The following ACTR3C variants were observed in gnomAD, a reference collection of about 807,000 sequenced individuals.
ACTR3C encodes actin related protein 3C.
In ACTR3C, 18 loss-of-function variants were observed where a neutral mutation model predicts 26.3. The observed-to-expected ratio is 0.68, with a 90% CI of 0.47 to 1.01. ACTR3C has a LOEUF of 1.01. Ranked by LOEUF, ACTR3C falls within the 50% of genes least tolerant of loss-of-function variation. The pLI is 0.00. For missense variants in ACTR3C, 184 were observed against 250.7 expected, an observed-to-expected ratio of 0.73 and a Z score of 1.80; for synonymous variants, 55 against 94.5, an observed-to-expected ratio of 0.58 and a Z score of 2.42.
At chr7:149,932,387 T>A in the ACTR3C span, among the ~76,000 whole-genome samples, 1 of 152,126 alleles carries the variant, frequency 6.6e-6, no homozygotes. Context: ...ATGAAAATAT[T>A]CTAAAATTAG....
chr7:149,896,977 C>T, the ACTR3C span, among the ~76,000 whole-genome samples: 1 of 149,360 alleles, frequency 6.7e-6, no homozygotes, highest in Non-Finnish European at 1.5e-5. Context: ...AGGAGAATCA[C>T]TTGAACTTGG....
chr7:150,286,795 A>AT (rs1228881915), intron 4 of ACTR3C, among the ~76,000 whole-genome samples: 2 of 151,268 alleles, frequency 1.3e-5, no homozygotes, highest in Non-Finnish European at 2.9e-5. Flanking sequence ...GGTCTATCCA[A>AT]TTCTATCGCT....
chr7:150,033,453 C>A, the ACTR3C span, among the ~76,000 whole-genome samples: 1 of 152,230 alleles, frequency 6.6e-6, no homozygotes, highest in Non-Finnish European at 1.5e-5. Context: ...CTCTCATGCA[C>A]CTGCCGTCGG....
At chr7:149,894,547 AC>A in the ACTR3C span, among the ~76,000 whole-genome samples, 2 of 152,194 alleles carry the variant, frequency 1.3e-5, no homozygotes, top group East Asian at 1.9e-4. Flanking sequence ...AATAAAAAAA[AC>A]AAATAACCCA....
intron 6 of ACTR3C, among the ~76,000 whole-genome samples, chr7:150,269,151 C>G (rs576280969): frequency 1.7e-5 from 1 of 58,854 alleles, no homozygotes; most frequent in South Asian, 7.9e-4. Flanking sequence ...GGGGGACCTG[C>G]CAGAGCGAGA....
At chr7:150,228,556 C>A in the ACTR3C span, among the ~76,000 whole-genome samples, 1 of 152,074 alleles carries the variant, frequency 6.6e-6, no homozygotes, top group Non-Finnish European at 1.5e-5. Flanking sequence ...ATCAGAGCTG[C>A]CAATGTCATA....
At chr7:150,159,866 G>A in the ACTR3C span, among the ~76,000 whole-genome samples, 1 of 151,966 alleles carries the variant, frequency 6.6e-6, no homozygotes, top group Admixed American at 6.6e-5. Flanking sequence ...CGGCTGTGGC[G>A]CGATCTCGGC....
At chr7:150,104,346 G>T in the ACTR3C span, among the ~76,000 whole-genome samples, 2 of 151,890 alleles carry the variant, frequency 1.3e-5, no homozygotes, top group Admixed American at 6.6e-5. Flanking sequence ...GGAACTGGTT[G>T]CCTAATAAAA....
the ACTR3C span, among the ~76,000 whole-genome samples, chr7:150,128,123 T>C: frequency 4.8e-5 from 7 of 144,764 alleles, no homozygotes; most frequent in African/African-American, 1.9e-4. Context: ...TTCCCAGTAT[T>C]AGTGCCTGGA....
At chr7:150,287,220 C>T (rs1268293498) in intron 4 of ACTR3C, among the ~76,000 whole-genome samples, 1 of 151,642 alleles carries the variant, frequency 6.6e-6, no homozygotes, top group Non-Finnish European at 1.5e-5. Flanking sequence ...CACACAGATC[C>T]CTGCCAAGAT....
the ACTR3C span, among the ~76,000 whole-genome samples, chr7:150,173,867 A>T: frequency 2.7e-5 from 4 of 148,388 alleles, no homozygotes; most frequent in East Asian, 5.8e-4. Context: ...AAATGCCACC[A>T]GTCTCTTTGC....
At chr7:150,142,607 C>T in the ACTR3C span, among the ~76,000 whole-genome samples, 5 of 152,136 alleles carry the variant, frequency 3.3e-5, no homozygotes, top group Non-Finnish European at 7.3e-5. Context: ...CAGCTCACTG[C>T]AACCTCCGCC....
chr7:150,307,521 A>C (rs1190251969), intron 1 of ACTR3C, among the ~76,000 whole-genome samples: 1 of 152,204 alleles, frequency 6.6e-6, no homozygotes, highest in East Asian at 1.9e-4. Context: ...TCCTCTGCTA[A>C]CAATAAATAA....
chr7:149,943,420 A>C, the ACTR3C span, among the ~76,000 whole-genome samples: 34,214 of 149,980 alleles, frequency 0.23, 6,135 homozygotes, highest in African/African-American at 0.51. Flanking sequence ...TGATTTAACA[A>C]GTGCCTTTTA....
chr7:150,182,189 A>G, the ACTR3C span, among the ~76,000 whole-genome samples: 4 of 150,522 alleles, frequency 2.7e-5, 1 homozygote, highest in African/African-American at 1.0e-4. Flanking sequence ...GAAAAACAGT[A>G]ACAACAGGGA....
chr7:149,944,872 G>A, the ACTR3C span, among the ~76,000 whole-genome samples: 1 of 151,590 alleles, frequency 6.6e-6, no homozygotes, highest in Non-Finnish European at 1.5e-5. Flanking sequence ...GAGAACCCCA[G>A]GCTAAGGTCA....
At chr7:150,116,416 T>C in the ACTR3C span, among the ~76,000 whole-genome samples, 1 of 152,210 alleles carries the variant, frequency 6.6e-6, no homozygotes, top group Non-Finnish European at 1.5e-5. Context: ...CTTTTGGGGG[T>C]TGATTTCTGG....
At chr7:150,121,392 C>T in the ACTR3C span, among the ~76,000 whole-genome samples, 2 of 151,688 alleles carry the variant, frequency 1.3e-5, no homozygotes, top group Admixed American at 1.3e-4. Flanking sequence ...TCTCAGGATA[C>T]AAAAATCAAT....
At chr7:150,108,983 T>C in the ACTR3C span, among the ~76,000 whole-genome samples, 1 of 151,598 alleles carries the variant, frequency 6.6e-6, no homozygotes, top group Non-Finnish European at 1.5e-5. Flanking sequence ...CGCTGTCTAA[T>C]GGACGGTGAA....
Sources: allele counts gnomAD v4.1 joint callset (sites outside exome capture counted in the v4.1 genomes callset), GRCh38; gene constraint gnomAD v4.1.1; transcripts MANE v1.5; gene names NCBI Gene and HGNC (gene_info 2026-07-23, HGNC 2026-07-21).